ZNF33A: variants seen among roughly 807,000 people sequenced by gnomAD.
The protein encoded by ZNF33A is brain my041 protein.
ZNF33A carries 9 observed loss-of-function variants against 15.9 expected under a neutral mutation model. That is an observed-to-expected ratio of 0.57 (90% confidence interval 0.34 to 0.99). The LOEUF is 0.99. Ranked by LOEUF, ZNF33A falls within the 50% of genes least tolerant of loss-of-function variation. The pLI is 0.02. For synonymous variants in ZNF33A, 294 were observed against 324.2 expected (o/e 0.91, Z 1.00); for missense variants, 843 against 941.6 (o/e 0.90, Z 1.37).
At chr10:38,065,662 GGGCTGGTT>G (rs1309202988), downstream of ZNF33A, among the ~76,000 whole-genome samples, 7 of 151,638 alleles carry the variant, frequency 4.6e-5, no homozygotes, top group African/African-American at 1.7e-4. Context: ...CAACTCCAGT[GGGCTGGTT>G]GCCAGTGCAC....
chr10:38,042,552 T>G (rs2065756665), intron 4 of ZNF33A, among the ~76,000 whole-genome samples: 1 of 151,496 alleles, frequency 6.6e-6, no homozygotes, highest in Non-Finnish European at 1.5e-5. Context: ...ATCAATGTAT[T>G]TATTTATTTT....
chr10:38,058,863 A>G lies in ZNF33A; in HGVS notation c.*2303A>G, dbSNP rs1179828392. 6.6e-6 allele frequency: 1 copy of G among 152,236 alleles called. No individual in the cohort carries two copies. Among genetic ancestry groups the G allele is most frequent in the Non-Finnish European group, 1.5e-5 (1 of 68,040 alleles). 9.4% of individuals were successfully genotyped at this position (152,236 alleles called of 1,614,324 possible). The stretch of plus-strand genomic sequence containing the variant: ...AGATACTTAAGGTAGAAATGATACC[A>G]AGTCTCTACCATCTCTTTCAGAAAA... On this transcript the variant is annotated 3_prime_UTR_variant, in exon 5 of 5. Transcript: ENST00000432900.
intron 4 of ZNF33A, among the ~76,000 whole-genome samples, chr10:38,033,791 G>A (rs2065321406): frequency 6.6e-6 from 1 of 151,274 alleles, no homozygotes; most frequent in Non-Finnish European, 1.5e-5. Context: ...TTGGCTCACT[G>A]CAACCTCTGT....
At chr10:38,012,900 A>T (rs1216147051) in intron 2 of ZNF33A, among the ~76,000 whole-genome samples, 4 of 152,208 alleles carry the variant, frequency 2.6e-5, no homozygotes, top group Non-Finnish European at 4.4e-5. Context: ...CTGGATACAG[A>T]CAGACTGACT....
chr10:38,013,487 G>T (rs1165056338), intron 2 of ZNF33A, among the ~76,000 whole-genome samples: 1 of 151,724 alleles, frequency 6.6e-6, no homozygotes, highest in African/African-American at 2.4e-5. Flanking sequence ...TAGCACAGTG[G>T]TGTGATCTTG....
intron 4 of ZNF33A, among the ~76,000 whole-genome samples, chr10:38,018,154 A>G (rs1450043807): frequency 6.6e-6 from 1 of 152,172 alleles, no homozygotes; most frequent in Non-Finnish European, 1.5e-5. Context: ...ATGTATACCT[A>G]TATGTATATG....
chr10:38,023,513 T>C (rs1382254805), intron 4 of ZNF33A, among the ~76,000 whole-genome samples: 1 of 152,018 alleles, frequency 6.6e-6, no homozygotes, highest in African/African-American at 2.4e-5. Context: ...AGAAGAAAAA[T>C]TACATAACAT....
chr10:38,038,965 T>C (rs1320584788), intron 4 of ZNF33A, among the ~76,000 whole-genome samples: 1 of 152,228 alleles, frequency 6.6e-6, no homozygotes, highest in Non-Finnish European at 1.5e-5. Context: ...TATATACTAC[T>C]GGATGAAATT....
intron 4 of ZNF33A, among the ~76,000 whole-genome samples, chr10:38,030,620 A>G (rs2065172608): frequency 6.6e-6 from 1 of 152,170 alleles, no homozygotes; most frequent in Non-Finnish European, 1.5e-5. Flanking sequence ...ACAGGTTTCT[A>G]GGGAGACTAG....
intron 2 of ZNF33A, among the ~76,000 whole-genome samples, 174 bp downstream of exon 2, chr10:38,012,524 C>A (rs2064237918): frequency 6.7e-6 from 1 of 150,350 alleles, no homozygotes; most frequent in Non-Finnish European, 1.5e-5. Context: ...CTCTGCCTCC[C>A]GGGTTCAAGC....
Position 38,017,378 on chromosome 10 carries a change from G to T in ZNF33A, c.242G>T (p.Ser81Ile). The change falls in exon 4 of 5, where the codon AGC (serine) becomes ATC (isoleucine). Residue 81 changes from serine to isoleucine, a missense_variant. Coordinates refer to ENST00000432900, the MANE Select transcript of ZNF33A (RefSeq NM_006954.2). ...CAGGAGGAAGAATTCCCAAGCCAAA[G>T]CTTTCCAGGTGAGTTAATATGTACT... ...WKQEEEFPSQ[S>I]FPEVWTADHL... 2 of 1,613,478 alleles carry T rather than the reference G, an allele frequency of 1.2e-6. No individual in the cohort carries two copies. Among genetic ancestry groups the T allele is most frequent in the South Asian group, 1.1e-5 (1 of 91,074 alleles).
In ZNF33A at chr10:38,059,036, A is replaced by C. The variant is rs1363492467; in HGVS notation, c.*2476A>C. 3 of 152,252 alleles carry C rather than the reference A, an allele frequency of 2.0e-5. No homozygotes were observed. Among genetic ancestry groups the C allele is most frequent in the Non-Finnish European group, 2.9e-5 (2 of 68,044 alleles). 9.4% of individuals were successfully genotyped at this position (152,252 alleles called of 1,614,324 possible). On this transcript the variant is annotated 3_prime_UTR_variant, in exon 5 of 5. Transcript: ENST00000432900. ...GCAGAAATCCTCAAAATATTAGCAA[A>C]TCAGGAATGCAAGGCTTGTTCAACA...
At chr10:38,046,790 A>G (rs570929483) in intron 4 of ZNF33A, among the ~76,000 whole-genome samples, 1 of 152,160 alleles carries the variant, frequency 6.6e-6, no homozygotes, top group African/African-American at 2.4e-5. Context: ...AAGTAGAGAC[A>G]CGGAAGATTT....
chr10:38,043,634 T>C (rs2065814609), intron 4 of ZNF33A, among the ~76,000 whole-genome samples: 1 of 151,976 alleles, frequency 6.6e-6, no homozygotes, highest in African/African-American at 2.4e-5. Context: ...GTGGTGAAGA[T>C]CAAAGAAATA....
chr10:38,034,518 A>G (rs1458531192), intron 4 of ZNF33A, among the ~76,000 whole-genome samples: 1 of 152,214 alleles, frequency 6.6e-6, no homozygotes, highest in Non-Finnish European at 1.5e-5. Flanking sequence ...GTCACATTAT[A>G]TCAAGCATGC....
At chr10:38,039,502 C>T (rs1202868796) in intron 4 of ZNF33A, 3 of 456,034 alleles carry the variant, frequency 6.6e-6, no homozygotes, top group Non-Finnish European at 1.3e-5. Flanking sequence ...GGTAGGATTA[C>T]AGGCATGAGC....
intron 2 of ZNF33A, among the ~76,000 whole-genome samples, chr10:38,015,100 C>T (rs2064387622): frequency 6.6e-6 from 1 of 152,080 alleles, no homozygotes; most frequent in Non-Finnish European, 1.5e-5. Flanking sequence ...GTCTTGAACT[C>T]CTGACCTCAA....
In ZNF33A at chr10:38,056,870, G is replaced by C; in HGVS notation, c.*310G>C. 1 of 1,032,948 alleles carries C rather than the reference G, an allele frequency of 9.7e-7. No homozygotes were observed. Among genetic ancestry groups the C allele is most frequent in the Non-Finnish European group, 1.2e-6 (1 of 855,898 alleles). 64.0% of individuals were successfully genotyped at this position (1,032,948 alleles called of 1,614,324 possible). A position where few individuals can be genotyped will look rare whatever the true frequency, so the allele number is the denominator to read the frequency against. On this transcript the variant is annotated 3_prime_UTR_variant, in exon 5 of 5. Coordinates refer to ENST00000432900, the MANE Select transcript of ZNF33A (RefSeq NM_006954.2). ...GTTTGATGCCATAATAGTTTTTAGG[G>C]CACCTAACAATAATTTATAGATGTA...
chr10:38,055,915 T>A lies in ZNF33A; in HGVS notation c.1791T>A (p.Thr597=), dbSNP rs774214451. ...TCTTTTACAATAAATCATACCTAAC[T>A]AAACATAATAGAACACATACAGGGG... ...GKIFYNKSYL[T]KHNRTHTGEK... is the part of the protein sequence containing the mutation. Residue 597 remains threonine (T), a synonymous_variant, in exon 5 of 5, where the codon ACT becomes ACA. Coordinates refer to ENST00000432900, the MANE Select transcript of ZNF33A (RefSeq NM_006954.2). 1.9e-6 allele frequency: 3 copies of A among 1,613,656 alleles called. No homozygotes were observed. Among genetic ancestry groups the A allele is most frequent in the East Asian group, 4.5e-5 (2 of 44,798 alleles).
Sources: allele counts gnomAD v4.1 joint callset (sites outside exome capture counted in the v4.1 genomes callset), GRCh38; gene constraint gnomAD v4.1.1; transcripts MANE v1.5; gene names NCBI Gene and HGNC (gene_info 2026-07-23, HGNC 2026-07-21).